Variants in ATP12A observed in about 807,000 individuals in gnomAD.
ATP12A encodes potassium-transporting ATPase alpha chain 2.
A neutral mutation model predicts 111.2 loss-of-function variants in ATP12A; 81 were observed. The observed-to-expected ratio is 0.73, with a 90% CI of 0.61 to 0.88. The LOEUF is 0.88. ATP12A is among the 40% of genes least tolerant of loss of function. The probability of loss-of-function intolerance (pLI) is 0.00; values close to 1 mark genes in which losing one functional copy is unlikely to be tolerated. For synonymous variants in ATP12A, 498 were observed against 499.8 expected, an observed-to-expected ratio of 1.00 and a Z score of 0.05; for missense variants, 1,196 against 1,313.1, an observed-to-expected ratio of 0.91 and a Z score of 1.38.
At chr13:24,698,617 C>T (rs1005704021) in intron 11 of ATP12A, 41 bp from the exon 12 acceptor site, 3 of 1,589,876 alleles carry the variant, frequency 1.9e-6, no homozygotes, top group Admixed American at 1.7e-5. Flanking sequence ...GAATGCGTTT[C>T]ACCTTTCTGT....
chr13:24,699,716 C>G (rs895089933), intron 12 of ATP12A, among the ~76,000 whole-genome samples: 3 of 152,298 alleles, frequency 2.0e-5, no homozygotes, highest in Non-Finnish European at 4.4e-5. Context: ...GGGGTGCCTG[C>G]GGTGTTGTCA....
chr13:24,696,970 A>G (rs1169280126), intron 11 of ATP12A, among the ~76,000 whole-genome samples: 4 of 152,218 alleles, frequency 2.6e-5, no homozygotes, highest in African/African-American at 9.6e-5. Context: ...GTCTGTTAAG[A>G]CATTTGAAAC....
chr13:24,709,929 G>A, intron 19 of ATP12A, 101 bp downstream of exon 19: 2 of 1,522,770 alleles, frequency 1.3e-6, no homozygotes, highest in Non-Finnish European at 1.8e-6. Context: ...AACAGCCTGG[G>A]AAAGCTTCAA....
chr13:24,702,161 G>A lies in ATP12A; in HGVS notation c.2018+90G>A, dbSNP rs1875426684. 8.5e-6 allele frequency: 13 copies of A among 1,527,384 alleles called. 1 individual carries two copies. The South Asian group carries it at 1.2e-4, about 14-fold the overall frequency. 94.6% of individuals were successfully genotyped at this position (1,527,384 alleles called of 1,614,324 possible). ...GAGCTGCACTACTTGGAACAAATCA[G>A]CTTTTTGCTCTCAGAGTTATGCTAG... On this transcript the variant is annotated intron_variant, in intron 14 of 22. Transcript: ENST00000381946.
At chr13:24,684,653 C>T (rs1874603611) in intron 2 of ATP12A, among the ~76,000 whole-genome samples, 5 of 152,194 alleles carry the variant, frequency 3.3e-5, no homozygotes, top group Admixed American at 3.3e-4. Context: ...GTGGGTGGAG[C>T]CCACAACAAA....
At chr13:24,699,615 T>G (rs1313840518) in intron 12 of ATP12A, among the ~76,000 whole-genome samples, 1 of 152,154 alleles carries the variant, frequency 6.6e-6, no homozygotes, top group Non-Finnish European at 1.5e-5. Context: ...AGCTTCCCAT[T>G]TAACGACTAG....
Position 24,694,176 on chromosome 13 carries a change from C to G in ATP12A, c.1378-268C>G, listed in dbSNP as rs190073624. ...TCTTCTCTGTGTATCGGTAACCCAC[C>G]TATCTATCAAGATCTAGTTCGTAGC... On this transcript the variant is annotated intron_variant, in intron 10 of 22. Transcript: ENST00000381946. Among the ~76,000 whole-genome samples, 8 of 152,296 alleles carry G rather than the reference C, an allele frequency of 5.3e-5. No individual in the cohort carries two copies. In the East Asian group the frequency reaches 7.7e-4, roughly 15 times the overall value.
chr13:24,690,342 C>T lies in ATP12A; in HGVS notation c.551C>T (p.Ala184Val), dbSNP rs1459186112. The change falls in exon 6 of 23, where the codon GCT becomes GTT. Residue 184 changes from alanine (A) to valine (V), a missense_variant. Ala to Val is a moderately conservative substitution (Grantham distance 64, BLOSUM62 0). Coordinates refer to ENST00000381946, the MANE Select transcript of ATP12A (RefSeq NM_001676.7). ...TGTCATGGTTTTTTTCTGCAGCAAG[C>T]TCTCGTCATCCGAGATTCCGAGAAG... ...SSFNKMIPQQ[A>V]LVIRDSEKKT... 6.2e-7 allele frequency: 1 copy of T among 1,612,796 alleles called. No individual in the cohort carries two copies.
Position 24,709,454 on chromosome 13 carries a change from C to G in ATP12A, c.2584C>G (p.Gln862Glu), listed in dbSNP as rs1338561545. 5.0e-6 allele frequency: 8 copies of G among 1,613,976 alleles called. No individual in the cohort carries two copies. In the Admixed American group the frequency reaches 1.2e-4, roughly 24 times the overall value. Residue 862 changes from glutamine to glutamate, a missense_variant, in exon 18 of 23, where the codon CAG becomes GAG. Physicochemically the swap from Gln to Glu is conservative, Grantham distance 29. Around this residue, in one of 3 missense-constraint regions of ATP12A, gnomAD observed 1,126 missense variants for 1,228.5 expected, o/e 0.92. Transcript: ENST00000381946. ...RHKNKDRLVNQPLAVYSYLHI... is the reference protein window; with the variant it reads ...RHKNKDRLVNEPLAVYSYLHI... ...CAAGAATAAGGACAGGCTGGTGAACCAGCCGCTCGCTGTGTACTCATACCT... is the reference window on the plus strand; with the variant it reads ...CAAGAATAAGGACAGGCTGGTGAACGAGCCGCTCGCTGTGTACTCATACCT...
At chr13:24,708,892 GAAAGAAAGGAAAGAAAGAAA>G (rs1875794328) in intron 17 of ATP12A, among the ~76,000 whole-genome samples, 1 of 125,460 alleles carries the variant, frequency 8.0e-6, no homozygotes, top group African/African-American at 3.1e-5. Flanking sequence ...GAAAGAGAAA[GAAAGAAAGGAAAGAAAGAAA>G]GAAAGAAAGA....
rs569800920 is a variant in ATP12A, at chr13:24,691,947, A to T, written c.1069-482A>T. Among the ~76,000 whole-genome samples, 301 of 152,320 alleles carry T rather than the reference A, an allele frequency of 2.0e-3. 1 individual carries two copies. Among genetic ancestry groups the T allele is most frequent in the African/African-American group, 7.0e-3 (289 of 41,578 alleles). ...AAATTGGAGCCAAAAGAACCCTTTG[A>T]GATCTAGGGGTTTAAAAGAATCTTT... On this transcript the variant is annotated intron_variant, in intron 8 of 22. Coordinates refer to ENST00000381946, the MANE Select transcript of ATP12A (RefSeq NM_001676.7).
Position 24,709,752 on chromosome 13 carries a change from G to T in ATP12A, c.2687G>T (p.Arg896Leu). ...TATGCACAAGAGGGCTTTCTGCCCC[G>T]CACTCTCATTAACCTGCGGGTAGAA... is the stretch of plus-strand genomic sequence containing the variant. Reference protein sequence around the residue: ...TVYAQEGFLPRTLINLRVEWE... With the variant: ...TVYAQEGFLPLTLINLRVEWE... Residue 896 changes from arginine to leucine, a missense_variant, in exon 19 of 23, where the codon CGC becomes CTC. This residue lies in a region of ATP12A where 1,126 missense variants were observed against 1,228.5 expected (regional missense o/e 0.92). Coordinates refer to ENST00000381946, the MANE Select transcript of ATP12A (RefSeq NM_001676.7). The T allele has an allele frequency of 3.1e-6, 5 of 1,614,202 alleles. No homozygotes were observed. Among genetic ancestry groups the T allele is most frequent in the Non-Finnish European group, 4.2e-6 (5 of 1,180,034 alleles).
In ATP12A at chr13:24,685,220, C is replaced by T. The variant is rs961125957; in HGVS notation, c.169-94C>T. The T allele has an allele frequency of 1.6e-5, 19 of 1,191,406 alleles. No homozygotes were observed. In the African/African-American group the frequency reaches 2.3e-4, roughly 14 times the overall value. The allele number at this position is 1,191,406 out of a possible 1,614,324, so 73.8% of individuals were successfully genotyped here. A position where few individuals can be genotyped will look rare whatever the true frequency, so the allele number is the denominator to read the frequency against. ...CCTCGATCCCCTCCCATCCTCAGGG[C>T]TGCTACTCCCAGCTTCCATGGCTGG... On this transcript the variant is annotated intron_variant, in intron 2 of 22. Coordinates refer to ENST00000381946, the MANE Select transcript of ATP12A (RefSeq NM_001676.7). The surrounding 1 kb of genome is among the most constrained non-coding windows in gnomAD (Gnocchi z 5.5).
chr13:24,688,428 G>C lies in ATP12A; in HGVS notation c.338G>C (p.Gly113Ala), dbSNP rs1237873889. The C allele has an allele frequency of 3.1e-6, 5 of 1,614,016 alleles. No homozygotes were observed. Among genetic ancestry groups the C allele is most frequent in the Non-Finnish European group, 4.2e-6 (5 of 1,180,036 alleles). ...GTCAAGTTCCTCAAGCAGATGGTGG[G>C]GGGGTTCTCTATCCTCCTGTGGGTG... The part of the protein sequence containing the change: ...EIVKFLKQMV[G>A]GFSILLWVGA... Residue 113 changes from glycine (G) to alanine (A), a missense_variant, in exon 4 of 23, where the codon GGG becomes GCG. This residue lies in a region of ATP12A where 1,126 missense variants were observed against 1,228.5 expected (regional missense o/e 0.92). Transcript: ENST00000381946.
chr13:24,705,965 G>A (rs1438933677), intron 14 of ATP12A, among the ~76,000 whole-genome samples: 4 of 152,214 alleles, frequency 2.6e-5, no homozygotes, highest in Admixed American at 6.5e-5. Context: ...GAGCCACTGC[G>A]TTTGGCCATG....
At chr13:24,697,331 A>G (rs983523726) in intron 11 of ATP12A, among the ~76,000 whole-genome samples, 2 of 152,178 alleles carry the variant, frequency 1.3e-5, no homozygotes, top group African/African-American at 2.4e-5. Context: ...CCTATGTTTT[A>G]AATGTAAAAA....
chr13:24,708,946 A>AAAGGAAGG (rs1555255696), intron 17 of ATP12A, among the ~76,000 whole-genome samples: 2,149 of 100,320 alleles, frequency 0.021, 91 homozygotes, highest in African/African-American at 0.049. Context: ...AGAAAGAAAG[A>AAAGGAAGG]AAGAAAGAAA....
chr13:24,685,738 T>C lies in ATP12A; in HGVS notation c.228+365T>C, dbSNP rs1874642640. ...ATGCTGGGACAAAGGTGGATTCTGA[T>C]GGAAGGGGCCAGAGCCAGCTCTCGG... On this transcript the variant is annotated intron_variant, in intron 3 of 22. Coordinates refer to ENST00000381946, the MANE Select transcript of ATP12A (RefSeq NM_001676.7). This position sits in a 1 kb window ranked among gnomAD's most constrained non-coding sequence, Gnocchi z 5.5. 6.6e-6 allele frequency among the ~76,000 whole-genome samples: 1 copy of C among 152,200 alleles called. No individual in the cohort carries two copies. Among genetic ancestry groups the C allele is most frequent in the Non-Finnish European group, 1.5e-5 (1 of 68,036 alleles).
At chr13:24,702,221 T>A in intron 14 of ATP12A, 150 bp downstream of exon 14, 1 of 1,030,488 alleles carries the variant, frequency 9.7e-7, no homozygotes. Flanking sequence ...ATCCATGTAT[T>A]CACTCTAATT....
Sources: gnomAD v4.1 joint callset for allele counts (sites outside exome capture counted in the v4.1 genomes callset) on GRCh38, gnomAD v4.1.1 for gene constraint, gnomAD v4.1.1 regional missense constraint, Gnocchi (gnomAD v3.1) non-coding constraint, MANE v1.5 for transcripts, NCBI Gene and HGNC (gene_info 2026-07-23, HGNC 2026-07-21) for gene names.